ANKFN1: variants seen among roughly 807,000 people sequenced by gnomAD.
ANKFN1 encodes the protein ankyrin repeat and fibronectin type III domain containing 1.
Under a neutral mutation model 108.7 loss-of-function variants are expected in ANKFN1, and 74 were observed. That is an observed-to-expected ratio of 0.68 (90% CI 0.56 to 0.83). The LOEUF (loss-of-function observed/expected upper bound fraction) is 0.83, where lower values mean the gene tolerates loss of function less well. ANKFN1 is among the 40% of genes least tolerant of loss of function. The pLI is 0.00. For synonymous variants in ANKFN1, 547 were observed against 516.2 expected (o/e 1.06, Z -0.81); for missense variants, 1,505 against 1,382.3 (o/e 1.09, Z -1.41).
intron 4 of ANKFN1, among the ~76,000 whole-genome samples, chr17:56,055,984 A>G (rs939644704): frequency 6.6e-6 from 1 of 151,896 alleles, no homozygotes; most frequent in Non-Finnish European, 1.5e-5. Flanking sequence ...TGATGTTGAG[A>G]ATTTTTTCAT....
intron 11 of ANKFN1, among the ~76,000 whole-genome samples, chr17:56,451,938 C>G (rs576479493): frequency 1.3e-5 from 2 of 152,186 alleles, no homozygotes; most frequent in Admixed American, 6.5e-5. Flanking sequence ...TAGGAGGTAC[C>G]AACATCTACA....
chr17:56,388,410 G>A (rs189596104), intron 8 of ANKFN1, among the ~76,000 whole-genome samples: 76 of 151,854 alleles, frequency 5.0e-4, no homozygotes, highest in African/African-American at 1.7e-3. Flanking sequence ...AGGATTACAG[G>A]CATGAGTCAC....
intron 15 of ANKFN1, among the ~76,000 whole-genome samples, chr17:56,468,747 A>C (rs2050216111): frequency 6.6e-6 from 1 of 152,176 alleles, no homozygotes; most frequent in Admixed American, 6.5e-5. Flanking sequence ...AAGCAAAGGT[A>C]AGCTAATTGG....
chr17:56,398,268 T>C (rs910777707), intron 8 of ANKFN1, among the ~76,000 whole-genome samples: 1 of 152,204 alleles, frequency 6.6e-6, no homozygotes, highest in Non-Finnish European at 1.5e-5. Flanking sequence ...ATGAATGAGT[T>C]AATACCTCTC....
rs1018588762 is a variant in ANKFN1 at position 56,083,963 on chromosome 17, T to C, written c.288+37638T>C. On this transcript the variant is annotated intron_variant, in intron 4 of 12. Transcript: ENST00000635860. ...TCAAAGTAAAATGTCCTCAGGCTGG[T>C]ACCATGAAGGAAAGAAGCAGTCAGG... 2.6e-5 allele frequency among the ~76,000 whole-genome samples: 4 copies of C among 151,142 alleles called. 1 individual carries two copies. The highest frequency in any genetic ancestry group is 9.7e-5 in the African/African-American group (4 of 41,140).
intron 3 of ANKFN1, among the ~76,000 whole-genome samples, chr17:56,257,578 A>T (rs2043389236): frequency 6.6e-6 from 1 of 152,040 alleles, no homozygotes; most frequent in Non-Finnish European, 1.5e-5. Flanking sequence ...CCCTCTCAGA[A>T]CCCTTGCCAG....
chr17:56,305,402 T>G (rs1358008908), intron 3 of ANKFN1, among the ~76,000 whole-genome samples: 2 of 152,214 alleles, frequency 1.3e-5, no homozygotes, highest in Non-Finnish European at 2.9e-5. Context: ...ATTTCACATA[T>G]TTATTTCAAA....
At chr17:56,337,347 G>T (rs2045839962) in intron 4 of ANKFN1, among the ~76,000 whole-genome samples, 1 of 152,074 alleles carries the variant, frequency 6.6e-6, no homozygotes, top group African/African-American at 2.4e-5. Flanking sequence ...TTATTGTGTG[G>T]GAGTCTAAGT....
At chr17:56,298,146 C>G (rs1043531196) in intron 3 of ANKFN1, among the ~76,000 whole-genome samples, 1 of 152,040 alleles carries the variant, frequency 6.6e-6, no homozygotes, top group African/African-American at 2.4e-5. Flanking sequence ...TTTTAATAGC[C>G]AAGTGAATTG....
intron 11 of ANKFN1, among the ~76,000 whole-genome samples, chr17:56,451,189 C>T (rs536946118): frequency 6.6e-6 from 1 of 152,214 alleles, no homozygotes; most frequent in South Asian, 2.1e-4. Flanking sequence ...TTAAAATATA[C>T]TTTAGAATAT....
intron 3 of ANKFN1, among the ~76,000 whole-genome samples, chr17:56,324,877 T>A (rs1264151215): frequency 6.6e-6 from 1 of 152,154 alleles, no homozygotes; most frequent in Non-Finnish European, 1.5e-5. Flanking sequence ...GTTTTATGAG[T>A]CACTGAGCCC....
upstream of ANKFN1, among the ~76,000 whole-genome samples, chr17:56,151,544 C>T (rs371855409): frequency 7.9e-5 from 12 of 152,196 alleles, no homozygotes; most frequent in East Asian, 1.9e-4. Flanking sequence ...CTAGGAAACA[C>T]GCCCTTAAAT....
intron 1 of ANKFN1, among the ~76,000 whole-genome samples, chr17:56,171,671 G>A (rs1319236858): frequency 6.6e-6 from 1 of 152,178 alleles, no homozygotes; most frequent in African/African-American, 2.4e-5. Flanking sequence ...ATCCCTCTGA[G>A]AAGAGGCCAA....
intron 8 of ANKFN1, among the ~76,000 whole-genome samples, chr17:56,397,818 G>T (rs922256487): frequency 1.3e-5 from 2 of 152,186 alleles, no homozygotes; most frequent in Admixed American, 6.5e-5. Flanking sequence ...TGGTCCTGCC[G>T]TAACTACCTG....
chr17:56,501,836 T>C (rs1374895689), intron 20 of ANKFN1, among the ~76,000 whole-genome samples: 2 of 152,090 alleles, frequency 1.3e-5, no homozygotes, highest in Non-Finnish European at 2.9e-5. Flanking sequence ...AGAATCAAAA[T>C]GTGTAGAGAA....
chr17:56,431,466 T>A (rs2048753121), intron 8 of ANKFN1, among the ~76,000 whole-genome samples: 1 of 152,160 alleles, frequency 6.6e-6, no homozygotes. Flanking sequence ...AAGGTATCCC[T>A]ATTTTGTGGC....
intron 19 of ANKFN1, among the ~76,000 whole-genome samples, chr17:56,497,405 C>G (rs928897433): frequency 2.0e-5 from 3 of 152,100 alleles, no homozygotes; most frequent in Non-Finnish European, 2.9e-5. Context: ...GTGGCAAGAA[C>G]TAGAAAGCAG....
rs1226779142 is a variant in ANKFN1, at chr17:56,512,923, A to G, written c.*1654A>G. The stretch of plus-strand genomic sequence containing the variant: ...TCAATGAAACCCTCAAAGAATCTTG[A>G]TCAGAATCACTACAGCTCCTTTTTC... On this transcript the variant is annotated 3_prime_UTR_variant, in exon 21 of 21. Transcript: ENST00000682825. Among the ~76,000 whole-genome samples the G allele has an allele frequency of 6.6e-6, 1 of 152,228 alleles. No individual in the cohort carries two copies. The highest frequency in any genetic ancestry group is 6.5e-5 in the Admixed American group (1 of 15,290).
intron 1 of ANKFN1, 26 bp downstream of exon 1, chr17:56,153,556 C>T (rs9906210): frequency 9.9e-6 from 16 of 1,613,092 alleles, no homozygotes; most frequent in African/African-American, 4.0e-5. Flanking sequence ...TTCTAAATAT[C>T]GGTAATTGGT....
Sources: gnomAD v4.1 joint callset for allele counts (sites outside exome capture counted in the v4.1 genomes callset) on GRCh38, gnomAD v4.1.1 for gene constraint, MANE v1.5 for transcripts, NCBI Gene and HGNC (gene_info 2026-07-23, HGNC 2026-07-21) for gene names.